Variants in DHRS7B observed in about 807,000 individuals in gnomAD.
DHRS7B encodes the protein peroxisomal reductase activating PPAR-gamma.
DHRS7B carries 24 observed loss-of-function variants against 26.4 expected under a neutral mutation model. The ratio of observed to expected loss-of-function variants is 0.91; its 90% CI spans 0.66 to 1.28. DHRS7B has a LOEUF of 1.28. Among genes scored for constraint, DHRS7B ranks in the 50% most tolerant of loss-of-function variants. DHRS7B has a pLI of 0.00. For missense variants in DHRS7B, 368 were observed against 419.4 expected, an observed-to-expected ratio of 0.88 and a Z score of 1.07; for synonymous variants, 142 against 166.4, an observed-to-expected ratio of 0.85 and a Z score of 1.13.
At chr17:21,144,502 A>G (rs1459798903) in intron 1 of DHRS7B, among the ~76,000 whole-genome samples, 1 of 152,164 alleles carries the variant, frequency 6.6e-6, no homozygotes, top group African/African-American at 2.4e-5. Context: ...CCAAGTTTAA[A>G]TGGTGAATAT....
chr17:21,129,373 G>A (rs1159707543), intron 1 of DHRS7B, among the ~76,000 whole-genome samples: 2 of 151,998 alleles, frequency 1.3e-5, no homozygotes, highest in Non-Finnish European at 1.5e-5. Flanking sequence ...GCATGTGTGA[G>A]GTCTTGAGAC....
intron 1 of DHRS7B, chr17:21,128,316 C>A (rs1041695961): frequency 6.6e-6 from 1 of 152,098 alleles, no homozygotes; most frequent in African/African-American, 2.4e-5. Context: ...AATCCCAGCA[C>A]TTTAGGAGGC....
chr17:21,137,866 G>A (rs1004375004), intron 1 of DHRS7B, among the ~76,000 whole-genome samples: 5 of 149,542 alleles, frequency 3.3e-5, no homozygotes, highest in Non-Finnish European at 5.9e-5. Context: ...CCATAGTTCT[G>A]GGATTACAGC....
chr17:21,135,476 G>A (rs1973321487), intron 1 of DHRS7B, among the ~76,000 whole-genome samples: 1 of 152,078 alleles, frequency 6.6e-6, no homozygotes, highest in South Asian at 2.1e-4. Context: ...TAGGATCACA[G>A]GTCTTTGTAA....
intron 1 of DHRS7B, among the ~76,000 whole-genome samples, chr17:21,140,269 G>A (rs934823790): frequency 5.3e-5 from 8 of 151,712 alleles, no homozygotes; most frequent in African/African-American, 1.2e-4. Flanking sequence ...TGATCCACCC[G>A]CCTTGGCCTC....
chr17:21,143,771 C>A (rs1973580643), intron 1 of DHRS7B, among the ~76,000 whole-genome samples: 1 of 152,208 alleles, frequency 6.6e-6, no homozygotes, highest in Non-Finnish European at 1.5e-5. Flanking sequence ...GTAGTTATTG[C>A]TGACTGCTGA....
rs1973111766 is a variant in DHRS7B, at chr17:21,126,975, G to A, written c.4G>A (p.Val2Ile). ...GGGAGGATGAAGTTGATTGACTATG[G>A]TCTCTCCGGCTACCAGGTAGGGGCT... M[V>I]SPATRKSLPK... Residue 2 changes from valine to isoleucine, a missense_variant, in exon 1 of 7, where the codon GTC becomes ATC. Physicochemically the swap from Val to Ile is conservative, Grantham distance 29 (BLOSUM62 3). Transcript: ENST00000395511. 1.3e-6 allele frequency: 2 copies of A among 1,536,998 alleles called. No individual in the cohort carries two copies. The highest frequency in any genetic ancestry group is 1.8e-6 in the Non-Finnish European group (2 of 1,140,934).
At chr17:21,154,951 C>T (rs1973847232) in intron 1 of DHRS7B, among the ~76,000 whole-genome samples, 1 of 151,706 alleles carries the variant, frequency 6.6e-6, no homozygotes, top group African/African-American at 2.4e-5. Context: ...AGGGCAACCA[C>T]TAAAAAAAGT....
At chr17:21,180,109 C>T (rs1220306721) in intron 3 of DHRS7B, among the ~76,000 whole-genome samples, 2 of 144,004 alleles carry the variant, frequency 1.4e-5, no homozygotes, top group African/African-American at 5.2e-5. Flanking sequence ...GAGTCTCGCT[C>T]TGTCACCTAG....
At chr17:21,132,544 A>C (rs1488751457) in intron 1 of DHRS7B, among the ~76,000 whole-genome samples, 18 of 147,402 alleles carry the variant, frequency 1.2e-4, no homozygotes, top group Admixed American at 3.4e-4. Flanking sequence ...AAAAAAAAAA[A>C]AAAAACAAAA....
At chr17:21,163,121 G>C (rs1461735885) in intron 1 of DHRS7B, among the ~76,000 whole-genome samples, 1 of 151,782 alleles carries the variant, frequency 6.6e-6, no homozygotes, top group Non-Finnish European at 1.5e-5. Flanking sequence ...GCTTGAACCC[G>C]GGAGGCAGAG....
intron 1 of DHRS7B, among the ~76,000 whole-genome samples, chr17:21,142,010 C>A (rs1973526311): frequency 6.6e-6 from 1 of 152,068 alleles, no homozygotes; most frequent in Non-Finnish European, 1.5e-5. Context: ...TTTATTTTGC[C>A]AAGGTTGAGG....
intron 3 of DHRS7B, among the ~76,000 whole-genome samples, chr17:21,181,389 CTGAG>C (rs1974511918): frequency 6.6e-6 from 1 of 152,180 alleles, no homozygotes; most frequent in African/African-American, 2.4e-5. Flanking sequence ...CCTCGCCGGA[CTGAG>C]TAATTTTTAA....
In DHRS7B at chr17:21,172,216, C is replaced by T; in HGVS notation, c.199+20C>T. 6.3e-7 allele frequency: 1 copy of T among 1,599,160 alleles called. No individual in the cohort carries two copies. The highest frequency in any genetic ancestry group is 8.5e-7 in the Non-Finnish European group (1 of 1,173,606). Reference sequence around the variant, plus strand: ...GCAAAGGTGGGTCCTGGAGGCAGTGCTGCCAGGGGGCGGGGGTAAGTCAGC... The same window carrying T: ...GCAAAGGTGGGTCCTGGAGGCAGTGTTGCCAGGGGGCGGGGGTAAGTCAGC... On this transcript the variant is annotated intron_variant, in intron 2 of 6. Coordinates refer to ENST00000395511, the MANE Select transcript of DHRS7B (RefSeq NM_015510.5).
At chr17:21,157,990 G>A (rs955171663) in intron 1 of DHRS7B, among the ~76,000 whole-genome samples, 2 of 151,792 alleles carry the variant, frequency 1.3e-5, no homozygotes, top group East Asian at 3.9e-4. Context: ...AACTAAAGAG[G>A]AAAAAAAGTC....
intron 1 of DHRS7B, among the ~76,000 whole-genome samples, chr17:21,169,315 C>G (rs1260092332): frequency 6.6e-6 from 1 of 152,190 alleles, no homozygotes; most frequent in Non-Finnish European, 1.5e-5. Context: ...TTCAGACAGT[C>G]TTGGGAGTCG....
intron 1 of DHRS7B, among the ~76,000 whole-genome samples, chr17:21,167,770 T>C (rs1411770459): frequency 2.6e-5 from 4 of 152,228 alleles, no homozygotes; most frequent in Non-Finnish European, 5.9e-5. Flanking sequence ...ATACCATCAA[T>C]CTTGCCTTCT....
At position 21,190,928 on chromosome 17, in the gene DHRS7B, T is replaced by A. The variant is rs775358808; in HGVS notation, c.773-20T>A. 1.2e-6 allele frequency: 2 copies of A among 1,612,384 alleles called. No homozygotes were observed. Among genetic ancestry groups the A allele is most frequent in the South Asian group, 2.2e-5 (2 of 90,918 alleles). On this transcript the variant is annotated intron_variant, in intron 6 of 6. Coordinates refer to ENST00000395511, the MANE Select transcript of DHRS7B (RefSeq NM_015510.5). ...CTCTGCTTCCAAGTTCATGTGTTTC[T>A]TTTGTTTTATTTATTTTAGTTATGG...
At chr17:21,156,219 A>G (rs909399919) in intron 1 of DHRS7B, among the ~76,000 whole-genome samples, 4 of 152,342 alleles carry the variant, frequency 2.6e-5, no homozygotes, top group African/African-American at 9.6e-5. Flanking sequence ...CCTCTAGTCC[A>G]GCTAAGAAAG....
Sources: gnomAD v4.1 joint callset for allele counts (sites outside exome capture counted in the v4.1 genomes callset) on GRCh38, gnomAD v4.1.1 for gene constraint, MANE v1.5 for transcripts, NCBI Gene and HGNC (gene_info 2026-07-23, HGNC 2026-07-21) for gene names.